Variants in WWOX observed in about 807,000 individuals in gnomAD.
The protein encoded by WWOX is WW domain containing oxidoreductase.
Under a neutral mutation model 46.2 loss-of-function variants are expected in WWOX, and 69 were observed. The observed-to-expected ratio is 1.49, with a 90% CI of 1.23 to 1.82. WWOX has a LOEUF of 1.82. WWOX is among the 40% of genes most tolerant of loss of function. The pLI is 0.00. For synonymous variants in WWOX, 359 were observed against 202.6 expected (o/e 1.77, Z -6.56); for missense variants, 919 against 542.6 (o/e 1.69, Z -6.89).
At chr16:78,714,487 T>G (rs13337124) in intron 8 of WWOX, among the ~76,000 whole-genome samples, 1,625 of 151,502 alleles carry the variant, frequency 0.011, 37 homozygotes, top group African/African-American at 0.037. Flanking sequence ...TACGTGGGGA[T>G]GATGGGAGAT....
intron 8 of WWOX, among the ~76,000 whole-genome samples, chr16:78,872,195 C>T (rs879590537): frequency 6.6e-6 from 1 of 152,166 alleles, no homozygotes; most frequent in Non-Finnish European, 1.5e-5. Flanking sequence ...CCCATAGAAC[C>T]AGGCTGCCTG....
intron 4 of WWOX, among the ~76,000 whole-genome samples, chr16:78,137,586 C>T (rs963771964): frequency 6.6e-6 from 1 of 152,034 alleles, no homozygotes; most frequent in Non-Finnish European, 1.5e-5. Flanking sequence ...AGGGAATTAC[C>T]GTTTTTCTTT....
At chr16:78,910,409 C>G (rs117513449) in intron 8 of WWOX, among the ~76,000 whole-genome samples, 2 of 151,814 alleles carry the variant, frequency 1.3e-5, no homozygotes, top group African/African-American at 4.8e-5. Context: ...ATCAAGTCAC[C>G]GTGTTATGGG....
chr16:78,358,236 GC>G (rs1349787071), intron 5 of WWOX, among the ~76,000 whole-genome samples: 1 of 152,168 alleles, frequency 6.6e-6, no homozygotes, highest in African/African-American at 2.4e-5. Flanking sequence ...AAGAAAAAGT[GC>G]TGTCATCAGT....
chr16:78,943,539 C>T (rs1460053093), intron 8 of WWOX, among the ~76,000 whole-genome samples: 1 of 152,160 alleles, frequency 6.6e-6, no homozygotes, highest in African/African-American at 2.4e-5. Context: ...TCAGAGCAGC[C>T]TTGCTCTTGC....
intron 8 of WWOX, among the ~76,000 whole-genome samples, chr16:78,438,062 A>C (rs780685204): frequency 6.6e-6 from 1 of 152,176 alleles, no homozygotes. Flanking sequence ...GGGTTTTTGC[A>C]GTTGTAACCA....
intron 8 of WWOX, among the ~76,000 whole-genome samples, chr16:78,802,941 AACAAC>A (rs1328255070): frequency 0.038 from 3,155 of 82,304 alleles, 793 homozygotes; most frequent in Non-Finnish European, 0.057. Flanking sequence ...AAAAAAAAAA[AACAAC>A]AAACAGAAAA....
intron 8 of WWOX, among the ~76,000 whole-genome samples, chr16:78,754,326 C>T (rs2049578053): frequency 1.3e-5 from 2 of 152,108 alleles, no homozygotes; most frequent in African/African-American, 4.8e-5. Flanking sequence ...TGATTTCAGA[C>T]AGCCTAAGGT....
rs990691438 is a variant in WWOX at position 78,541,990 on chromosome 16, C to G, written c.1056+109238C>G. ...TTGGTGTCATGTTTGAAGTCAGTTA[C>G]CAGAGGGTTTCTTTCAACAGAGTAT... is the stretch of plus-strand genomic sequence containing the variant. On this transcript the variant is annotated intron_variant, in intron 8 of 8. Transcript: ENST00000566780. Among the ~76,000 whole-genome samples the G allele has an allele frequency of 1.0e-4, 12 of 118,886 alleles. 1 individual carries two copies. In the Admixed American group the frequency reaches 1.4e-3, roughly 14 times the overall value. The allele number at this position is 118,886 out of a possible 152,430, so 78.0% of individuals were successfully genotyped here. A position where few individuals can be genotyped will look rare whatever the true frequency, so the allele number is the denominator to read the frequency against.
At chr16:79,137,674 T>A (rs7196461) in intron 8 of WWOX, among the ~76,000 whole-genome samples, 33,386 of 151,966 alleles carry the variant, frequency 0.22, 5,946 homozygotes, top group African/African-American at 0.5. Flanking sequence ...GCTTCTCTTT[T>A]CTCCTCCCTC....
rs369708668 is a variant in WWOX at position 78,986,278 on chromosome 16, A to G, written c.1057-225330A>G. ...AGTTAATCAGTTTTACAAAGATGCC[A>G]TAGGTAGAGGTGCTTCCAGACCTAT... On this transcript the variant is annotated intron_variant, in intron 8 of 8. Transcript: ENST00000566780. Among the ~76,000 whole-genome samples the G allele has an allele frequency of 8.8e-4, 134 of 152,362 alleles. 2 individuals carry two copies. The South Asian group carries it at 0.023, about 26-fold the overall frequency.
intron 8 of WWOX, chr16:78,895,314 T>C (rs1291252399): frequency 6.6e-6 from 1 of 152,188 alleles, no homozygotes; most frequent in Non-Finnish European, 1.5e-5. Flanking sequence ...GAAAATAACT[T>C]AAGTTTCTGT....
In WWOX at chr16:78,328,577, A is replaced by T. The variant is rs78945418; in HGVS notation, c.517-58283A>T. ...CAACAAGTATTTATTGTAGGCCTGT[A>T]TTCAAAGGAGAATAAGATAAATAAG... On this transcript the variant is annotated intron_variant, in intron 5 of 8. Coordinates refer to ENST00000566780, the MANE Select transcript of WWOX (RefSeq NM_016373.4). Among the ~76,000 whole-genome samples the T allele has an allele frequency of 4.7e-3, 722 of 152,354 alleles. 5 individuals are homozygous for T. The highest frequency in any genetic ancestry group is 0.017 in the African/African-American group (693 of 41,596).
At chr16:78,395,543 G>A (rs1161737157) in intron 6 of WWOX, among the ~76,000 whole-genome samples, 1 of 152,004 alleles carries the variant, frequency 6.6e-6, no homozygotes, top group Non-Finnish European at 1.5e-5. Context: ...GAGAAGGGCA[G>A]AAAGAAAGAA....
At chr16:78,576,025 G>C (rs1308135496) in intron 8 of WWOX, among the ~76,000 whole-genome samples, 1 of 151,786 alleles carries the variant, frequency 6.6e-6, no homozygotes, top group African/African-American at 2.4e-5. Context: ...TTATTTATGA[G>C]GCTTTTTTTA....
At chr16:78,973,258 T>G (rs1376075783) in intron 8 of WWOX, among the ~76,000 whole-genome samples, 1 of 152,150 alleles carries the variant, frequency 6.6e-6, no homozygotes, top group East Asian at 1.9e-4. Flanking sequence ...TAATGAGTAA[T>G]TAAGCCGCTT....
chr16:78,724,739 A>G (rs1374135016), intron 8 of WWOX, among the ~76,000 whole-genome samples: 3 of 152,128 alleles, frequency 2.0e-5, no homozygotes, highest in Non-Finnish European at 2.9e-5. Flanking sequence ...AATATTAACC[A>G]TCTCCTGAAC....
chr16:78,858,549 G>T (rs60123013), intron 8 of WWOX, among the ~76,000 whole-genome samples: 117,639 of 151,994 alleles, frequency 0.77, 46,015 homozygotes, highest in Middle Eastern at 0.88. Flanking sequence ...GTGATAAACA[G>T]TAATTATAAA....
At chr16:78,414,454 A>C (rs112810057) in intron 6 of WWOX, among the ~76,000 whole-genome samples, 1 of 152,202 alleles carries the variant, frequency 6.6e-6, no homozygotes, top group Non-Finnish European at 1.5e-5. Flanking sequence ...CTGTAATCCC[A>C]GCTACTCAGG....
Sources: allele counts gnomAD v4.1 joint callset (sites outside exome capture counted in the v4.1 genomes callset), GRCh38; gene constraint gnomAD v4.1.1; transcripts MANE v1.5; gene names NCBI Gene and HGNC (gene_info 2026-07-23, HGNC 2026-07-21).